The following SIPA1L2 variants were observed in gnomAD, a reference collection of about 807,000 sequenced individuals.
SIPA1L2 encodes the protein signal-induced proliferation-associated 1-like protein 2.
In SIPA1L2, 56 loss-of-function variants were observed where a neutral mutation model predicts 163.9. The observed-to-expected ratio is 0.34, with a 90% CI of 0.28 to 0.43. The LOEUF (loss-of-function observed/expected upper bound fraction) is 0.43. SIPA1L2 is among the 20% of genes least tolerant of loss of function. SIPA1L2 has a pLI of 1.00. For synonymous variants in SIPA1L2, 877 were observed against 865.7 expected (o/e 1.01, Z -0.23); for missense variants, 1,974 against 2,193.5 (o/e 0.90, Z 2.00).
intron 18 of SIPA1L2, among the ~76,000 whole-genome samples, chr1:232,416,269 A>C (rs1403751332): frequency 6.6e-6 from 1 of 152,216 alleles, no homozygotes; most frequent in Non-Finnish European, 1.5e-5. Flanking sequence ...TCTTAATGGA[A>C]AAAGAAAACA....
intron 22 of SIPA1L2, among the ~76,000 whole-genome samples, chr1:232,402,113 C>A (rs998351936): frequency 2.0e-5 from 3 of 152,172 alleles, no homozygotes; most frequent in Non-Finnish European, 2.9e-5. Context: ...CTAAAAAATG[C>A]TGGCCCACCA....
At chr1:232,445,192 G>A (rs1663140514) in intron 11 of SIPA1L2, among the ~76,000 whole-genome samples, 1 of 152,160 alleles carries the variant, frequency 6.6e-6, no homozygotes, top group African/African-American at 2.4e-5. Context: ...GCTCAAACCT[G>A]TTCACACTTT....
At chr1:232,480,584 A>T (rs1665296207) in intron 6 of SIPA1L2, among the ~76,000 whole-genome samples, 1 of 152,224 alleles carries the variant, frequency 6.6e-6, no homozygotes, top group Non-Finnish European at 1.5e-5. Flanking sequence ...ACTATAAAAT[A>T]GTTAAGTAAT....
At chr1:232,496,103 T>A (rs989225138) in intron 3 of SIPA1L2, among the ~76,000 whole-genome samples, 3 of 152,260 alleles carry the variant, frequency 2.0e-5, no homozygotes, top group Non-Finnish European at 4.4e-5. Flanking sequence ...CACTACTCAA[T>A]CACTGACTCA....
chr1:232,432,477 G>C lies in SIPA1L2; in HGVS notation c.4032-6C>G, dbSNP rs201855706. On this transcript the variant is annotated splice_region_variant and splice_polypyrimidine_tract_variant and intron_variant, in intron 15 of 22. Transcript: ENST00000674635. ...TTCCTGAATGGTGAGAACCACTGAG[G>C]AGAAAAACAGACAAAAGCTGCAATA... is the stretch of plus-strand genomic sequence containing the variant. The C allele has an allele frequency of 5.2e-5, 84 of 1,611,858 alleles. No homozygotes were observed. In the East Asian group the frequency reaches 1.8e-3, roughly 35 times the overall value.
chr1:232,471,249 G>A (rs1664782744), intron 8 of SIPA1L2, 122 bp downstream of exon 8: 8 of 612,820 alleles, frequency 1.3e-5, no homozygotes, highest in Non-Finnish European at 1.9e-5. Flanking sequence ...TACAGAAAGT[G>A]TCTGAGTAAT....
At chr1:232,616,984 T>C (rs1306086338) in intron 1 of SIPA1L2, among the ~76,000 whole-genome samples, 3 of 152,256 alleles carry the variant, frequency 2.0e-5, no homozygotes, top group Non-Finnish European at 4.4e-5. Context: ...CAGGGCTAAT[T>C]GATTAGTCTC....
At chr1:232,545,828 C>T (rs1468865847) in intron 2 of SIPA1L2, among the ~76,000 whole-genome samples, 4 of 152,182 alleles carry the variant, frequency 2.6e-5, no homozygotes, top group Non-Finnish European at 5.9e-5. Flanking sequence ...GTATTAATAA[C>T]TTTCCCTGTC....
rs113650749 is a variant in SIPA1L2 at position 232,473,485 on chromosome 1, G to C, written c.2086-1957C>G. On this transcript the variant is annotated intron_variant, in intron 7 of 22. Transcript: ENST00000674635. ...AAACACAGGGTGCAGGGAGGGCCTT[G>C]TTAGTCAGTGCTTCATGGCTGTTGA... is the stretch of plus-strand genomic sequence containing the variant. Among the ~76,000 whole-genome samples, 110 of 150,236 alleles carry C rather than the reference G, an allele frequency of 7.3e-4. 2 individuals are homozygous for C. Among genetic ancestry groups the C allele is most frequent in the African/African-American group, 2.5e-3 (105 of 41,564 alleles).
intron 2 of SIPA1L2, among the ~76,000 whole-genome samples, chr1:232,529,841 A>C (rs1204734965): frequency 6.6e-6 from 1 of 152,212 alleles, no homozygotes; most frequent in African/African-American, 2.4e-5. Flanking sequence ...AACAGAAGGC[A>C]AGAGAAAGCC....
chr1:232,433,301 T>C (rs899772925), intron 15 of SIPA1L2, among the ~76,000 whole-genome samples: 16 of 152,212 alleles, frequency 1.1e-4, no homozygotes, highest in Admixed American at 1.0e-3. Context: ...ACAATGATCA[T>C]GAGCCAGTTG....
intron 3 of SIPA1L2, among the ~76,000 whole-genome samples, chr1:232,506,566 C>G (rs1235954015): frequency 1.3e-5 from 2 of 152,166 alleles, no homozygotes. Context: ...AAATTGGTAT[C>G]AAGAGAGGTA....
At chr1:232,523,913 G>A (rs1268869427) in intron 2 of SIPA1L2, among the ~76,000 whole-genome samples, 2 of 152,122 alleles carry the variant, frequency 1.3e-5, no homozygotes, top group East Asian at 1.9e-4. Context: ...TTGGCATAAA[G>A]GACATGAAAA....
chr1:232,570,211 T>C (rs1558275476), intron 2 of SIPA1L2, among the ~76,000 whole-genome samples: 1 of 152,208 alleles, frequency 6.6e-6, no homozygotes, highest in East Asian at 1.9e-4. Context: ...CTTCTCATGA[T>C]AATAATTTGA....
chr1:232,437,752 C>A (rs915323564), intron 15 of SIPA1L2, among the ~76,000 whole-genome samples: 2 of 152,040 alleles, frequency 1.3e-5, no homozygotes, highest in East Asian at 1.9e-4. Context: ...GGTGTGGGGG[C>A]AGGGGTTGGC....
chr1:232,412,313 C>G (rs1318845555), intron 19 of SIPA1L2, among the ~76,000 whole-genome samples: 2 of 152,134 alleles, frequency 1.3e-5, no homozygotes, highest in African/African-American at 4.8e-5. Flanking sequence ...ATCCAATAGG[C>G]AGGTAAATTC....
intron 1 of SIPA1L2, among the ~76,000 whole-genome samples, chr1:232,599,863 C>A (rs1189840805): frequency 6.6e-6 from 1 of 152,252 alleles, no homozygotes; most frequent in African/African-American, 2.4e-5. Flanking sequence ...TTCAACAAAC[C>A]ATTTATTAAC....
At chr1:232,428,912 T>C (rs1034167596) in intron 16 of SIPA1L2, among the ~76,000 whole-genome samples, 1 of 152,184 alleles carries the variant, frequency 6.6e-6, no homozygotes, top group Non-Finnish European at 1.5e-5. Context: ...GATGATCATA[T>C]GTCTTTCGAA....
chr1:232,595,882 C>T (rs1661232421), intron 1 of SIPA1L2, among the ~76,000 whole-genome samples: 1 of 152,122 alleles, frequency 6.6e-6, no homozygotes, highest in Admixed American at 6.5e-5. Flanking sequence ...AATGCTAGTA[C>T]CGAGGATCGA....
Sources: gnomAD v4.1 joint callset for allele counts (sites outside exome capture counted in the v4.1 genomes callset) on GRCh38, gnomAD v4.1.1 for gene constraint, MANE v1.5 for transcripts, NCBI Gene and HGNC (gene_info 2026-07-23, HGNC 2026-07-21) for gene names.